Variants in IFT74 observed in about 807,000 individuals in gnomAD.
The protein encoded by IFT74 is intraflagellar transport 74, also known as intraflagellar transport protein 74 homolog.
A neutral mutation model predicts 96.7 loss-of-function variants in IFT74; 92 were observed. That is an observed-to-expected ratio of 0.95 (90% CI 0.80 to 1.13). The LOEUF is 1.13. IFT74 is among the 50% of genes most tolerant of loss of function. IFT74 has a pLI of 0.00. For synonymous variants in IFT74, 223 were observed against 213.2 expected, an observed-to-expected ratio of 1.05 and a Z score of -0.40; for missense variants, 811 against 698.2, an observed-to-expected ratio of 1.16 and a Z score of -1.82.
chr9:26,966,923 G>A (rs1364451745), intron 2 of IFT74, among the ~76,000 whole-genome samples: 3 of 152,080 alleles, frequency 2.0e-5, no homozygotes, highest in Non-Finnish European at 2.9e-5. Context: ...TGAAGAAACT[G>A]GCATTTCCTC....
intron 16 of IFT74, among the ~76,000 whole-genome samples, chr9:27,051,990 A>C (rs966279488): frequency 6.6e-6 from 1 of 152,194 alleles, no homozygotes; most frequent in African/African-American, 2.4e-5. Context: ...TTCATTTAGA[A>C]AACCTCTGTT....
chr9:27,003,255 G>C (rs1360812658), intron 8 of IFT74, among the ~76,000 whole-genome samples: 2 of 151,976 alleles, frequency 1.3e-5, no homozygotes, highest in Non-Finnish European at 2.9e-5. Flanking sequence ...AGGTGCAGTG[G>C]CTCACGCCTG....
At chr9:26,971,202 T>A (rs866267651) in intron 2 of IFT74, among the ~76,000 whole-genome samples, 1 of 152,180 alleles carries the variant, frequency 6.6e-6, no homozygotes, top group East Asian at 1.9e-4. Flanking sequence ...AGGCAACCGA[T>A]GGGGGGCATT....
At chr9:27,044,691 C>G (rs556952018) in intron 13 of IFT74, 51 bp from the exon 14 acceptor site, 4 of 1,011,504 alleles carry the variant, frequency 4.0e-6, no homozygotes, top group African/African-American at 3.3e-5. Flanking sequence ...TAATTTAGAG[C>G]CCTGTATGTG....
Position 26,977,030 on chromosome 9 carries a change from A to C in IFT74, c.121-1098A>C, listed in dbSNP as rs114435439. 2.4e-3 allele frequency among the ~76,000 whole-genome samples: 365 copies of C among 152,328 alleles called. 1 individual carries two copies. The highest frequency in any genetic ancestry group is 8.4e-3 in the African/African-American group (350 of 41,578). ...TTTAAGGGTAATAGATACTCATTGC[A>C]ATAAGGCGGAAAATACCAAATTGTA... On this transcript the variant is annotated intron_variant, in intron 2 of 19. Transcript: ENST00000380062.
chr9:26,995,376 A>G (rs1828088432), intron 8 of IFT74: 1 of 593,392 alleles, frequency 1.7e-6, no homozygotes, highest in African/African-American at 1.9e-5. Context: ...ATATAATGCA[A>G]AGAACATAAT....
chr9:27,012,728 T>TTTTTTTTTTTTTTTTTTTTTTTTG (rs1188652589), intron 10 of IFT74, among the ~76,000 whole-genome samples: 1 of 141,328 alleles, frequency 7.1e-6, no homozygotes, highest in Non-Finnish European at 1.5e-5. Flanking sequence ...TTTTTTTTTT[T>TTTTTTTTTTTTTTTTTTTTTTTTG]TTTTTTTAGA....
At position 27,047,288 on chromosome 9, in the gene IFT74, T is replaced by G. The variant is rs140253656; in HGVS notation, c.1123T>G (p.Phe375Val). The G allele has an allele frequency of 6.2e-7, 1 of 1,611,368 alleles. No homozygotes were observed. The highest frequency in any genetic ancestry group is 8.5e-7 in the Non-Finnish European group (1 of 1,177,782). ...CCAATTGTCAGCTTTTATTGAGACT[T>G]TTGAGGAAACAAAGAATCAGGAACT... Reference protein sequence around the residue: ...EEHMDTFIETFEETKNQELKR... With the variant: ...EEHMDTFIETVEETKNQELKR... The change falls in exon 15 of 20, where the codon TTT becomes GTT. Residue 375 changes from phenylalanine (F) to valine (V), a missense_variant. Physicochemically the swap from Phe to Val is conservative, Grantham distance 50. Transcript: ENST00000380062.
At chr9:27,036,600 GTC>G in intron 13 of IFT74, 3 of 1,571,218 alleles carry the variant, frequency 1.9e-6, no homozygotes, top group Non-Finnish European at 1.7e-6. Context: ...CAGATCTTCA[GTC>G]TCTCTCTAGC....
chr9:27,003,186 TG>T (rs1828591360), intron 8 of IFT74, among the ~76,000 whole-genome samples: 1 of 152,228 alleles, frequency 6.6e-6, no homozygotes, highest in Non-Finnish European at 1.5e-5. Context: ...ACAGATTTTT[TG>T]TGGAGTATTT....
At position 27,016,916 on chromosome 9, in the gene IFT74, C is replaced by T. The variant is rs200719899; in HGVS notation, c.799C>T (p.His267Tyr). ...KKESLEAEIA[H>Y]SQVKQEAVLL... is the part of the protein sequence containing the mutation. ...TCTTATTTTCCTTTAGGAAATAGCT[C>T]ACTCCCAGGTGAAACAGGAGGCGGT... Residue 267 changes from histidine to tyrosine, a missense_variant, in exon 11 of 20, where the codon CAC becomes TAC. Transcript: ENST00000380062. The T allele has an allele frequency of 2.5e-6, 4 of 1,597,174 alleles. No homozygotes were observed. Among genetic ancestry groups the T allele is most frequent in the Non-Finnish European group, 1.7e-6 (2 of 1,173,794 alleles).
Position 27,055,508 on chromosome 9 carries a change from G to A in IFT74, c.1334-101G>A, listed in dbSNP as rs1002667439. On this transcript the variant is annotated intron_variant, in intron 16 of 19. Coordinates refer to ENST00000380062, the MANE Select transcript of IFT74 (RefSeq NM_025103.4). ...ACAGTGAACATATATTTCTTTTACA[G>A]ATATTCTTAAAAAACATGATTTTTA... is the stretch of plus-strand genomic sequence containing the variant. 3 of 772,334 alleles carry A rather than the reference G, an allele frequency of 3.9e-6. No individual in the cohort carries two copies. The African/African-American group carries it at 5.6e-5, about 14-fold the overall frequency. 47.8% of individuals were successfully genotyped at this position (772,334 alleles called of 1,614,324 possible).
In IFT74 at chr9:27,065,603, T is replaced by C. The variant is rs1820581954; in HGVS notation, c.*2867T>C. The stretch of plus-strand genomic sequence containing the variant: ...TTTGGACAATACTATAGTCTCATTT[T>C]AAGGTACAAAATTCAGTGCCTGCTT... On this transcript the variant is annotated 3_prime_UTR_variant, in exon 20 of 20. Coordinates refer to ENST00000380062, the MANE Select transcript of IFT74 (RefSeq NM_025103.4). Among the ~76,000 whole-genome samples, 1 of 152,194 alleles carries C rather than the reference T, an allele frequency of 6.6e-6. No homozygotes were observed. Among genetic ancestry groups the C allele is most frequent in the African/African-American group, 2.4e-5 (1 of 41,450 alleles).
At chr9:26,954,554 A>C (rs1308297166), upstream of IFT74, among the ~76,000 whole-genome samples, 2 of 151,070 alleles carry the variant, frequency 1.3e-5, no homozygotes, top group Admixed American at 1.3e-4. Context: ...TACAGGGTGC[A>C]CTGAGGACAT....
intron 4 of IFT74, among the ~76,000 whole-genome samples, chr9:26,981,240 C>G (rs1169038889): frequency 6.6e-6 from 1 of 152,086 alleles, no homozygotes; most frequent in Admixed American, 6.6e-5. Flanking sequence ...CCATAGCAAA[C>G]TTATTTTATT....
chr9:27,011,560 G>A (rs1829076867), intron 9 of IFT74, among the ~76,000 whole-genome samples: 1 of 151,378 alleles, frequency 6.6e-6, no homozygotes, highest in South Asian at 2.1e-4. Flanking sequence ...TAATTTGAAA[G>A]CTTCTGATAT....
chr9:27,055,897 A>C, intron 17 of IFT74, 125 bp downstream of exon 17: 2 of 612,586 alleles, frequency 3.3e-6, no homozygotes, highest in Non-Finnish European at 5.0e-6. Context: ...ATAAGTGAGA[A>C]AAAATAAAAA....
At chr9:26,976,572 A>G (rs992089277) in intron 2 of IFT74, 64 of 347,848 alleles carry the variant, frequency 1.8e-4, no homozygotes, top group African/African-American at 1.2e-3. Flanking sequence ...GGAAGGGGTC[A>G]TCTACAGAGG....
In IFT74 at chr9:27,065,146, A is replaced by G. The variant is rs1820570221; in HGVS notation, c.*2410A>G. ...GGAAAAAAATTTCTTGACAAAAAGC[A>G]AGGCTTTCAATTTCCATCCTAATTT... is the stretch of plus-strand genomic sequence containing the variant. On this transcript the variant is annotated 3_prime_UTR_variant, in exon 20 of 20. Coordinates refer to ENST00000380062, the MANE Select transcript of IFT74 (RefSeq NM_025103.4). 6.6e-6 allele frequency among the ~76,000 whole-genome samples: 1 copy of G among 152,152 alleles called. No homozygotes were observed. Among genetic ancestry groups the G allele is most frequent in the South Asian group, 2.1e-4 (1 of 4,830 alleles).
Sources: allele counts gnomAD v4.1 joint callset (sites outside exome capture counted in the v4.1 genomes callset), GRCh38; gene constraint gnomAD v4.1.1; transcripts MANE v1.5; gene names NCBI Gene and HGNC (gene_info 2026-07-23, HGNC 2026-07-21).